The following PSD3 variants were observed in gnomAD, a reference collection of about 807,000 sequenced individuals.
The protein encoded by PSD3 is PH and SEC7 domain-containing protein 3.
Under a neutral mutation model 105.5 loss-of-function variants are expected in PSD3, and 49 were observed. That is an observed-to-expected ratio of 0.46 (90% CI 0.37 to 0.59). The LOEUF (loss-of-function observed/expected upper bound fraction) is 0.59, where lower values mean the gene tolerates loss of function less well. Among genes scored for constraint, PSD3 ranks in the 20% least tolerant of loss-of-function variants. The pLI, the probability that PSD3 is intolerant of heterozygous loss-of-function variation, is 0.00. For missense variants in PSD3, 1,561 were observed against 1,263.8 expected, an observed-to-expected ratio of 1.24 and a Z score of -3.57; for synonymous variants, 557 against 457.8, an observed-to-expected ratio of 1.22 and a Z score of -2.77.
At chr8:18,981,157 C>T (rs781755373) in intron 1 of PSD3, among the ~76,000 whole-genome samples, 1 of 152,136 alleles carries the variant, frequency 6.6e-6, no homozygotes, top group Non-Finnish European at 1.5e-5. Flanking sequence ...ACATAAGGGT[C>T]CACCAGGACA....
At chr8:18,890,626 G>A (rs189375455) in intron 2 of PSD3, among the ~76,000 whole-genome samples, 194 of 152,286 alleles carry the variant, frequency 1.3e-3, no homozygotes, top group Middle Eastern at 6.8e-3. Flanking sequence ...AGTATAAAAG[G>A]TTTGTATGCT....
At chr8:18,863,752 C>T (rs529988690) in intron 4 of PSD3, among the ~76,000 whole-genome samples, 3 of 151,884 alleles carry the variant, frequency 2.0e-5, no homozygotes, top group Admixed American at 6.6e-5. Flanking sequence ...CAAATAGACA[C>T]GCACTCAAAA....
rs62495794 is a variant in PSD3 at position 18,698,746 on chromosome 8, T to C, written c.2173-43061A>G. 6.9e-3 allele frequency among the ~76,000 whole-genome samples: 1,051 copies of C among 152,274 alleles called. 5 individuals carry two copies. Among genetic ancestry groups the C allele is most frequent in the Middle Eastern group, 0.014 (4 of 294 alleles). Reference sequence around the variant, plus strand: ...CATACAAGTAACATCCAAGATGGTATATCTATGTGGCTTCTTTGTCAGAAG... The same window carrying C: ...CATACAAGTAACATCCAAGATGGTACATCTATGTGGCTTCTTTGTCAGAAG... On this transcript the variant is annotated intron_variant, in intron 9 of 15. Coordinates refer to ENST00000327040, the MANE Select transcript of PSD3 (RefSeq NM_015310.4).
At chr8:18,976,567 A>G (rs780113377) in intron 1 of PSD3, among the ~76,000 whole-genome samples, 6 of 152,258 alleles carry the variant, frequency 3.9e-5, no homozygotes, top group Non-Finnish European at 8.8e-5. Context: ...CACTTACTAC[A>G]TGACACAAGA....
At chr8:18,590,802 G>A (rs9644565) in intron 12 of PSD3, among the ~76,000 whole-genome samples, 1 of 152,058 alleles carries the variant, frequency 6.6e-6, no homozygotes, top group African/African-American at 2.4e-5. Context: ...TCTAGGGACA[G>A]AAGAAACAAA....
In PSD3 at chr8:18,888,496, C is replaced by T. The variant is rs113473777; in HGVS notation, c.131-15763G>A. 8.0e-5 allele frequency among the ~76,000 whole-genome samples: 12 copies of T among 149,310 alleles called. 1 individual carries two copies. The highest frequency in any genetic ancestry group is 1.7e-4 in the African/African-American group (7 of 40,368). On this transcript the variant is annotated intron_variant, in intron 2 of 15. Coordinates refer to ENST00000327040, the MANE Select transcript of PSD3 (RefSeq NM_015310.4). ...TCAATTTCCATCTGAAAAAAAAAAA[C>T]GGGAATAATAATGGGGTTTTCTGAG... is the stretch of plus-strand genomic sequence containing the variant.
At chr8:18,776,485 G>C (rs1228707557) in intron 8 of PSD3, among the ~76,000 whole-genome samples, 4 of 151,648 alleles carry the variant, frequency 2.6e-5, no homozygotes, top group African/African-American at 7.3e-5. Flanking sequence ...CTAGGTTCAA[G>C]TGATTCGTCT....
intron 4 of PSD3, among the ~76,000 whole-genome samples, chr8:18,860,225 G>C (rs1165233511): frequency 6.6e-6 from 1 of 152,086 alleles, no homozygotes; most frequent in Non-Finnish European, 1.5e-5. Flanking sequence ...TTATTGATAA[G>C]GTTTGCCACG....
chr8:18,670,378 C>A (rs186752934), intron 9 of PSD3, among the ~76,000 whole-genome samples: 2 of 152,150 alleles, frequency 1.3e-5, no homozygotes, highest in African/African-American at 4.8e-5. Flanking sequence ...GGATTTTAAG[C>A]GGGAGGGTGA....
At chr8:18,818,149 T>A (rs573738596) in intron 4 of PSD3, among the ~76,000 whole-genome samples, 59 of 152,148 alleles carry the variant, frequency 3.9e-4, no homozygotes, top group African/African-American at 1.4e-3. Context: ...GAGAAGGGGT[T>A]TTGCCATGTT....
At chr8:18,607,195 G>C (rs1055774683) in intron 11 of PSD3, among the ~76,000 whole-genome samples, 4 of 152,072 alleles carry the variant, frequency 2.6e-5, no homozygotes, top group Non-Finnish European at 5.9e-5. Flanking sequence ...ACCTTCAAAG[G>C]CATCCCTGCT....
chr8:18,702,866 C>T (rs1209800261), intron 9 of PSD3, among the ~76,000 whole-genome samples: 1 of 152,070 alleles, frequency 6.6e-6, no homozygotes, highest in Non-Finnish European at 1.5e-5. Flanking sequence ...CCCGCCTCAG[C>T]CTCCCAAAGT....
intron 4 of PSD3, among the ~76,000 whole-genome samples, chr8:18,824,207 G>A (rs1456443210): frequency 6.6e-6 from 1 of 152,126 alleles, no homozygotes; most frequent in African/African-American, 2.4e-5. Flanking sequence ...GTGAGACCCA[G>A]GCTATGTCAA....
At chr8:18,648,321 G>T (rs1202560680) in intron 10 of PSD3, among the ~76,000 whole-genome samples, 1 of 152,220 alleles carries the variant, frequency 6.6e-6, no homozygotes, top group East Asian at 1.9e-4. Flanking sequence ...GGAGGTATCA[G>T]ATGGCAATGA....
chr8:18,630,209 T>C (rs1475295255), intron 11 of PSD3, among the ~76,000 whole-genome samples: 1 of 151,616 alleles, frequency 6.6e-6, no homozygotes, highest in Non-Finnish European at 1.5e-5. Flanking sequence ...AAAAGCCCCA[T>C]GACACTTAAA....
chr8:18,862,892 C>CAA (rs763451398), intron 4 of PSD3, among the ~76,000 whole-genome samples: 326 of 79,504 alleles, frequency 4.1e-3, no homozygotes, highest in African/African-American at 0.012. Context: ...AAGAGCAAGG[C>CAA]AAAAAAAAAA....
At chr8:18,861,918 CCTCTT>C (rs1816482236) in intron 4 of PSD3, among the ~76,000 whole-genome samples, 1 of 151,990 alleles carries the variant, frequency 6.6e-6, no homozygotes, top group Non-Finnish European at 1.5e-5. Flanking sequence ...GATGGCTTCA[CCTCTT>C]CTCTTCAGTC....
At chr8:18,577,121 T>C (rs1802508638) in intron 12 of PSD3, among the ~76,000 whole-genome samples, 1 of 152,020 alleles carries the variant, frequency 6.6e-6, no homozygotes, top group South Asian at 2.1e-4. Flanking sequence ...TATTTTTTCA[T>C]TGCTTTCTAG....
intron 9 of PSD3, among the ~76,000 whole-genome samples, chr8:18,701,843 T>G (rs1409644987): frequency 6.6e-6 from 1 of 152,234 alleles, no homozygotes; most frequent in Non-Finnish European, 1.5e-5. Flanking sequence ...AAGTAGAGAT[T>G]TATGAACACT....
Sources: gnomAD v4.1 joint callset for allele counts (sites outside exome capture counted in the v4.1 genomes callset) on GRCh38, gnomAD v4.1.1 for gene constraint, MANE v1.5 for transcripts, NCBI Gene and HGNC (gene_info 2026-07-23, HGNC 2026-07-21) for gene names.